Variants in UNC5C observed in about 807,000 individuals in gnomAD.
UNC5C encodes the protein netrin receptor UNC5C.
UNC5C carries 47 observed loss-of-function variants against 99.8 expected under a neutral mutation model. The ratio of observed to expected loss-of-function variants is 0.47; its 90% confidence interval spans 0.37 to 0.60. The LOEUF is 0.60. Ranked by LOEUF, UNC5C falls within the 20% of genes least tolerant of loss-of-function variation. The pLI, the probability that UNC5C is intolerant of heterozygous loss-of-function variation, is 0.00. For synonymous variants in UNC5C, 487 were observed against 452.2 expected, an observed-to-expected ratio of 1.08 and a Z score of -0.98; for missense variants, 1,062 against 1,165.9, an observed-to-expected ratio of 0.91 and a Z score of 1.30.
intron 10 of UNC5C, among the ~76,000 whole-genome samples, chr4:95,212,276 T>C (rs2149364598): frequency 6.6e-6 from 1 of 152,192 alleles, no homozygotes; most frequent in African/African-American, 2.4e-5. Context: ...AGTTGACAAA[T>C]CTAATAATCT....
intron 1 of UNC5C, among the ~76,000 whole-genome samples, chr4:95,512,316 T>C (rs971162814): frequency 1.3e-5 from 2 of 152,196 alleles, no homozygotes; most frequent in Non-Finnish European, 2.9e-5. Flanking sequence ...GAGAAGTGGA[T>C]TGGAGTAAGG....
intron 7 of UNC5C, among the ~76,000 whole-genome samples, chr4:95,237,904 T>C (rs1739179968): frequency 6.6e-6 from 1 of 152,010 alleles, no homozygotes; most frequent in Admixed American, 6.6e-5. Context: ...TAGCTGGGTG[T>C]GGTGGTGTGT....
At chr4:95,241,511 A>G (rs1037841990) in intron 7 of UNC5C, among the ~76,000 whole-genome samples, 2 of 152,226 alleles carry the variant, frequency 1.3e-5, no homozygotes, top group Non-Finnish European at 2.9e-5. Context: ...CCTTTGCACA[A>G]ACACCTTCAG....
chr4:95,265,624 T>A (rs1740416083), intron 4 of UNC5C, among the ~76,000 whole-genome samples: 1 of 152,244 alleles, frequency 6.6e-6, no homozygotes, highest in South Asian at 2.1e-4. Flanking sequence ...TGCCTGGGGT[T>A]TATCTGATTA....
At chr4:95,180,227 G>T (rs965671809) in intron 14 of UNC5C, among the ~76,000 whole-genome samples, 1 of 152,202 alleles carries the variant, frequency 6.6e-6, no homozygotes. Flanking sequence ...AGGCAAGAAA[G>T]GATTAAGTAA....
chr4:95,231,561 C>A (rs1738912907), intron 7 of UNC5C, among the ~76,000 whole-genome samples: 1 of 152,146 alleles, frequency 6.6e-6, no homozygotes, highest in Non-Finnish European at 1.5e-5. Context: ...CTTGACCTGG[C>A]CGCTTGGTCT....
At chr4:95,525,873 C>T (rs543985345) in intron 1 of UNC5C, among the ~76,000 whole-genome samples, 7 of 152,194 alleles carry the variant, frequency 4.6e-5, no homozygotes, top group Middle Eastern at 3.4e-3. Flanking sequence ...GTCTTGTTCC[C>T]GGTTTAACAA....
rs182935461 is a variant in UNC5C, at chr4:95,322,693, C to T, written c.346+12717G>A. 1.4e-3 allele frequency among the ~76,000 whole-genome samples: 210 copies of T among 152,112 alleles called. 1 individual carries two copies. Among genetic ancestry groups the T allele is most frequent in the African/African-American group, 4.8e-3 (200 of 41,532 alleles). ...GTGGCTCACACCTATAATCCCAGCA[C>T]TTTGGGAGTCTGAGGCAGGTGGATC... On this transcript the variant is annotated intron_variant, in intron 2 of 15. Transcript: ENST00000453304.
chr4:95,302,788 T>C (rs936081558), intron 2 of UNC5C, among the ~76,000 whole-genome samples: 2 of 152,254 alleles, frequency 1.3e-5, no homozygotes, highest in African/African-American at 2.4e-5. Context: ...GTATCAATTA[T>C]GTAAAAGATA....
chr4:95,365,579 A>T (rs1744534418), intron 1 of UNC5C, among the ~76,000 whole-genome samples: 1 of 151,924 alleles, frequency 6.6e-6, no homozygotes, highest in Non-Finnish European at 1.5e-5. Context: ...ATTATATTTC[A>T]TAATGTTATT....
intron 1 of UNC5C, among the ~76,000 whole-genome samples, chr4:95,437,894 C>T (rs1200384271): frequency 6.6e-6 from 1 of 152,066 alleles, no homozygotes; most frequent in Admixed American, 6.6e-5. Context: ...CCCAGGACTT[C>T]CGTGTGATTA....
At chr4:95,495,543 G>T (rs1055295349) in intron 1 of UNC5C, among the ~76,000 whole-genome samples, 2 of 151,614 alleles carry the variant, frequency 1.3e-5, no homozygotes, top group African/African-American at 2.4e-5. Context: ...ACATCATAAA[G>T]ATCACATTAA....
Position 95,350,452 on chromosome 4 carries a change from A to G in UNC5C, c.125-14821T>C, listed in dbSNP as rs181371585. On this transcript the variant is annotated intron_variant, in intron 1 of 15. Transcript: ENST00000453304. ...TAGTGAGCTGAGATCGTGCCACTAC[A>G]TTCCAGCCTGGTAACAGAGCAAGAC... Among the ~76,000 whole-genome samples the G allele has an allele frequency of 2.3e-3, 340 of 150,598 alleles. 2 individuals carry two copies. The highest frequency in any genetic ancestry group is 7.3e-3 in the African/African-American group (300 of 41,096).
At position 95,206,701 on chromosome 4, in the gene UNC5C, T is replaced by G. The variant is rs759944822; in HGVS notation, c.1829A>C (p.His610Pro). The G allele has an allele frequency of 6.2e-7, 1 of 1,614,080 alleles. No homozygotes were observed. The highest frequency in any genetic ancestry group is 1.1e-5 in the South Asian group (1 of 91,078). ...LLTRPVVLTM[H>P]HCADPNTEDW... Reference sequence around the variant, plus strand: ...CTCGGTATTGGGGTCTGCGCAGTGATGCATAGTGAGGACGACTGGGCGGGT... The same window carrying G: ...CTCGGTATTGGGGTCTGCGCAGTGAGGCATAGTGAGGACGACTGGGCGGGT... The change falls in exon 11 of 16, where the codon CAT becomes CCT. Residue 610 changes from histidine to proline, a missense_variant. Coordinates refer to ENST00000453304, the MANE Select transcript of UNC5C (RefSeq NM_003728.4).
intron 11 of UNC5C, 30 bp downstream of exon 11, chr4:95,206,598 C>T (rs1737883587): frequency 1.2e-6 from 2 of 1,613,400 alleles, no homozygotes; most frequent in East Asian, 2.2e-5. Flanking sequence ...ATTATTCTTG[C>T]ATAGCATCTT....
intron 1 of UNC5C, among the ~76,000 whole-genome samples, chr4:95,481,700 C>A (rs577402298): frequency 6.6e-6 from 1 of 151,944 alleles, no homozygotes; most frequent in Non-Finnish European, 1.5e-5. Flanking sequence ...TCAGAAATAA[C>A]GCCGCATATC....
At chr4:95,448,519 A>G (rs265062) in intron 1 of UNC5C, among the ~76,000 whole-genome samples, 95,655 of 151,874 alleles carry the variant, frequency 0.63, 30,471 homozygotes, top group Middle Eastern at 0.67. Context: ...ATGGCACATA[A>G]TGGATCGAGT....
intron 5 of UNC5C, among the ~76,000 whole-genome samples, chr4:95,247,559 C>A (rs948042657): frequency 1.3e-5 from 2 of 152,086 alleles, no homozygotes; most frequent in African/African-American, 4.8e-5. Context: ...CTTTGAAGAT[C>A]GTAGGTTTAT....
intron 1 of UNC5C, among the ~76,000 whole-genome samples, chr4:95,440,795 T>C (rs1578165017): frequency 6.6e-6 from 1 of 152,196 alleles, no homozygotes; most frequent in African/African-American, 2.4e-5. Flanking sequence ...AAAGTACTTA[T>C]CAGCAACCAT....
Sources: gnomAD v4.1 joint callset for allele counts (sites outside exome capture counted in the v4.1 genomes callset) on GRCh38, gnomAD v4.1.1 for gene constraint, MANE v1.5 for transcripts, NCBI Gene and HGNC (gene_info 2026-07-23, HGNC 2026-07-21) for gene names.